TRIM63: variants seen among roughly 807,000 people sequenced by gnomAD.
TRIM63 encodes tripartite motif containing 63, also known as E3 ubiquitin-protein ligase TRIM63.
Under a neutral mutation model 46.0 loss-of-function variants are expected in TRIM63, and 48 were observed. The ratio of observed to expected loss-of-function variants is 1.04; its 90% CI spans 0.83 to 1.33. TRIM63 has a LOEUF of 1.33. TRIM63 is among the 40% of genes most tolerant of loss of function. The pLI is 0.00. For missense variants in TRIM63, 455 were observed against 441.2 expected, an observed-to-expected ratio of 1.03 and a Z score of -0.28; for synonymous variants, 175 against 162.8, an observed-to-expected ratio of 1.08 and a Z score of -0.57.
chr1:26,064,648 A>G (rs1044785123), intron 2 of TRIM63, among the ~76,000 whole-genome samples: 1 of 152,158 alleles, frequency 6.6e-6, no homozygotes, highest in Non-Finnish European at 1.5e-5. Flanking sequence ...CACAATAGGT[A>G]CCCAATAAAT....
At chr1:26,055,880 C>T (rs2050566303) in intron 7 of TRIM63, among the ~76,000 whole-genome samples, 1 of 152,108 alleles carries the variant, frequency 6.6e-6, no homozygotes, top group African/African-American at 2.4e-5. Flanking sequence ...GTGGATGTCC[C>T]CAAGGCCATT....
chr1:26,065,924 G>A (rs79836805), intron 2 of TRIM63, among the ~76,000 whole-genome samples: 4,362 of 152,306 alleles, frequency 0.029, 169 homozygotes, highest in East Asian at 0.094. Context: ...TATCCTTATA[G>A]ACAACCTGGC....
intron 6 of TRIM63, 22 bp downstream of exon 6, chr1:26,057,606 T>C: frequency 6.2e-7 from 1 of 1,608,496 alleles, no homozygotes; most frequent in Non-Finnish European, 8.5e-7. Context: ...GCTTGGATCA[T>C]AGCCTCTAGG....
At chr1:26,060,204 C>G in intron 4 of TRIM63, 62 bp downstream of exon 4, 1 of 1,511,946 alleles carries the variant, frequency 6.6e-7, no homozygotes, top group Non-Finnish European at 9.1e-7. Context: ...TGAGCCTTCC[C>G]CAGAGACCAG....
chr1:26,060,479 G>A, intron 3 of TRIM63, 118 bp from the exon 4 acceptor site: 1 of 718,622 alleles, frequency 1.4e-6, no homozygotes, highest in Non-Finnish European at 2.5e-6. Flanking sequence ...AGAGCCTCCA[G>A]TAGGGATCTG....
Position 26,051,666 on chromosome 1 carries a change from T to G in TRIM63, c.*207A>C. ...CCTGTGTGATTGTTTCAAGCACGTT[T>G]CCAATTCTGGTTCAGTGTCTGCTGG... is the stretch of plus-strand genomic sequence containing the variant. On this transcript the variant is annotated 3_prime_UTR_variant, in exon 9 of 9. Transcript: ENST00000374272. The G allele has an allele frequency of 2.4e-6, 1 of 408,794 alleles. No homozygotes were observed. The highest frequency in any genetic ancestry group is 2.1e-5 in the African/African-American group (1 of 48,674). 25.3% of individuals were successfully genotyped at this position (408,794 alleles called of 1,614,324 possible).
At chr1:26,051,970 CAGGAGTTTGAATA>C in intron 8 of TRIM63, 87 bp from the exon 9 acceptor site, 1 of 1,175,952 alleles carries the variant, frequency 8.5e-7, no homozygotes, top group East Asian at 2.9e-5. Context: ...TTTATTCAAA[CAGGAGTTTGAATA>C]AAACATCAAA....
At position 26,057,203 on chromosome 1, in the gene TRIM63, C is replaced by A. The variant is rs746913599; in HGVS notation, c.979G>T (p.Asp327Tyr). ...DALRAIDFGT[D>Y]EEEEEFIEEE... ...CAAGTGGCATCACCACCTCCTTTAC[C>A]TGTCCCAAAGTCAATGGCTCTCAGG... Residue 327 changes from aspartate to tyrosine, a missense_variant and splice_region_variant, in exon 7 of 9, where the codon GAT becomes TAT. Transcript: ENST00000374272. 6.2e-7 allele frequency: 1 copy of A among 1,614,128 alleles called. No homozygotes were observed. The highest frequency in any genetic ancestry group is 2.2e-5 in the East Asian group (1 of 44,886).
intron 2 of TRIM63, among the ~76,000 whole-genome samples, chr1:26,063,593 C>A (rs1031053930): frequency 6.6e-6 from 1 of 152,204 alleles, no homozygotes; most frequent in East Asian, 1.9e-4. Context: ...TTCATGCGCC[C>A]GCAGCCCTCC....
intron 2 of TRIM63, among the ~76,000 whole-genome samples, chr1:26,064,722 G>C (rs1446963510): frequency 1.3e-5 from 2 of 152,162 alleles, no homozygotes; most frequent in Non-Finnish European, 2.9e-5. Flanking sequence ...AGATCTTACT[G>C]TTTCTGTTTG....
At chr1:26,064,017 CA>C (rs1040804740) in intron 2 of TRIM63, among the ~76,000 whole-genome samples, 5 of 152,222 alleles carry the variant, frequency 3.3e-5, no homozygotes, top group Admixed American at 1.3e-4. Flanking sequence ...ACCGGCCGGC[CA>C]GGCGCGGTGG....
Position 26,051,623 on chromosome 1 carries a change from A to G in TRIM63, c.*250T>C. ...AAATGTACAAAATATTCCATTTTGC[A>G]CCAATGTAGAAAAGTGTCCTGTGTG... On this transcript the variant is annotated 3_prime_UTR_variant, in exon 9 of 9. Transcript: ENST00000374272. The G allele has an allele frequency of 2.6e-6, 1 of 386,052 alleles. No individual in the cohort carries two copies. The highest frequency in any genetic ancestry group is 3.8e-5 in the East Asian group (1 of 26,428). The allele number at this position is 386,052 out of a possible 1,614,324, so 23.9% of individuals were successfully genotyped here.
Position 26,067,324 on chromosome 1 carries a change from C to G in TRIM63, c.159+12G>C, listed in dbSNP as rs2050687344. 2 of 1,613,090 alleles carry G rather than the reference C, an allele frequency of 1.2e-6. No individual in the cohort carries two copies. The highest frequency in any genetic ancestry group is 1.7e-6 in the Non-Finnish European group (2 of 1,179,924). ...CCTGGGGACCCCAAATGAAGCTGCA[C>G]CCGGCACTTACCTGGAAGATGTCAT... On this transcript the variant is annotated intron_variant, in intron 1 of 8. Transcript: ENST00000374272.
Position 26,057,282 on chromosome 1 carries a change from C to T in TRIM63, c.900G>A (p.Gln300=), listed in dbSNP as rs2050581808. Residue 300 remains glutamine (Q), a synonymous_variant, in exon 7 of 9, where the codon CAG becomes CAA. Transcript: ENST00000374272. ...TAAAGAAGTCCATGTTCTCAAAGCC[C>T]TGCTCTGTCTTCCCCAGCTGGCAGC... ...SKGCQLGKTE[Q]GFENMDFFTL... The T allele has an allele frequency of 6.2e-7, 1 of 1,614,172 alleles. No individual in the cohort carries two copies. The highest frequency in any genetic ancestry group is 1.3e-5 in the African/African-American group (1 of 75,034).
chr1:26,051,823 CA>C lies in TRIM63; in HGVS notation c.*49del. The stretch of plus-strand genomic sequence containing the variant: ...TCACCAAGGCCGCTGGGCCCCTCCC[CA>C]CCCTCTCCAGTCTCTCTGCATCTGG... On this transcript the variant is annotated 3_prime_UTR_variant, in exon 9 of 9. Coordinates refer to ENST00000374272, the MANE Select transcript of TRIM63 (RefSeq NM_032588.4). The C allele has an allele frequency of 7.5e-7, 1 of 1,340,288 alleles. No homozygotes were observed. The highest frequency in any genetic ancestry group is 9.6e-7 in the Non-Finnish European group (1 of 1,038,772). The allele number at this position is 1,340,288 out of a possible 1,614,324, so 83.0% of individuals were successfully genotyped here.
Position 26,051,795 on chromosome 1 carries a change from C to G in TRIM63, c.*78G>C. 1 of 1,057,556 alleles carries G rather than the reference C, an allele frequency of 9.5e-7. No individual in the cohort carries two copies. Among genetic ancestry groups the G allele is most frequent in the Non-Finnish European group, 1.3e-6 (1 of 792,746 alleles). The allele number at this position is 1,057,556 out of a possible 1,614,324, so 65.5% of individuals were successfully genotyped here. A position where few individuals can be genotyped will look rare whatever the true frequency, so the allele number is the denominator to read the frequency against. On this transcript the variant is annotated 3_prime_UTR_variant, in exon 9 of 9. Coordinates refer to ENST00000374272, the MANE Select transcript of TRIM63 (RefSeq NM_032588.4). ...GGCCCCGACCCCTCCCACCCTGGGCCTGTCACCAAGGCCGCTGGGCCCCTC... is the reference window on the plus strand; with the variant it reads ...GGCCCCGACCCCTCCCACCCTGGGCGTGTCACCAAGGCCGCTGGGCCCCTC...
intron 7 of TRIM63, among the ~76,000 whole-genome samples, 162 bp from the exon 8 acceptor site, chr1:26,054,126 CA>C (rs1374437614): frequency 6.6e-6 from 1 of 152,198 alleles, no homozygotes; most frequent in Non-Finnish European, 1.5e-5. Context: ...ATGGGCTTGC[CA>C]GACCCACGCT....
Position 26,067,353 on chromosome 1 carries a change from C to T in TRIM63, c.142G>A (p.Ala48Thr), listed in dbSNP as rs1308313325. 1.2e-6 allele frequency: 2 copies of T among 1,614,110 alleles called. No homozygotes were observed. The highest frequency in any genetic ancestry group is 2.2e-5 in the East Asian group (1 of 44,874). ...GCACTTACCTGGAAGATGTCATTGG[C>T]ACACTTCCGGCACAGGTTGTGCTGG... The part of the protein sequence containing the change: ...PCQHNLCRKC[A>T]NDIFQAANPY... The change falls in exon 1 of 9, where the codon GCC (alanine) becomes ACC (threonine). Residue 48 changes from alanine (A) to threonine (T), a missense_variant. Ala to Thr is a moderately conservative substitution (Grantham distance 58). Transcript: ENST00000374272.
chr1:26,061,839 A>AT (rs1315312765), intron 2 of TRIM63, among the ~76,000 whole-genome samples: 1 of 152,242 alleles, frequency 6.6e-6, no homozygotes, highest in Non-Finnish European at 1.5e-5. Context: ...TGATGGCCTC[A>AT]TTTAATTCTA....
Sources: allele counts gnomAD v4.1 joint callset (sites outside exome capture counted in the v4.1 genomes callset), GRCh38; gene constraint gnomAD v4.1.1; transcripts MANE v1.5; gene names NCBI Gene and HGNC (gene_info 2026-07-23, HGNC 2026-07-21).